STEAP1B: variants seen among roughly 807,000 people sequenced by gnomAD.
The protein encoded by STEAP1B is STEAP family protein MGC87042.
A neutral mutation model predicts 27.9 loss-of-function variants in STEAP1B; 13 were observed. That is an observed-to-expected ratio of 0.47 (90% confidence interval 0.30 to 0.74). The LOEUF is 0.74. STEAP1B is among the 30% of genes least tolerant of loss of function. STEAP1B has a pLI of 0.06. For missense variants in STEAP1B, 250 were observed against 298.7 expected (o/e 0.84, Z 1.20); for synonymous variants, 86 against 107.1 (o/e 0.80, Z 1.22).
intron 4 of STEAP1B, among the ~76,000 whole-genome samples, chr7:22,453,780 T>C (rs73268511): frequency 1.2e-3 from 179 of 152,370 alleles, no homozygotes; most frequent in African/African-American, 4.0e-3. Context: ...TCTTCTCAAA[T>C]TGTATCTCTT....
chr7:22,437,215 A>G (rs10237119), intron 4 of STEAP1B, among the ~76,000 whole-genome samples: 41,428 of 152,120 alleles, frequency 0.27, 6,101 homozygotes, highest in Non-Finnish European at 0.31. Flanking sequence ...GAACCTATTC[A>G]TCTCGCATAA....
chr7:22,489,555 G>A (rs1165480261), intron 4 of STEAP1B, among the ~76,000 whole-genome samples: 1 of 152,202 alleles, frequency 6.6e-6, no homozygotes, highest in Non-Finnish European at 1.5e-5. Context: ...CACAGGACTG[G>A]TTTCCTTATA....
intron 3 of STEAP1B, 23 bp downstream of exon 3, chr7:22,493,301 C>A (rs756403220): frequency 1.3e-6 from 2 of 1,585,302 alleles, no homozygotes; most frequent in Non-Finnish European, 8.6e-7. Flanking sequence ...TTATTAGTAA[C>A]AGTGACATCA....
intron 1 of STEAP1B, 133 bp from the exon 2 acceptor site, chr7:22,495,019 C>T (rs879679070): frequency 6.3e-5 from 30 of 478,066 alleles, no homozygotes; most frequent in Non-Finnish European, 1.0e-4. Context: ...GAAATAGTGA[C>T]TGATTTATAC....
chr7:22,480,739 T>C (rs906068787), intron 4 of STEAP1B, among the ~76,000 whole-genome samples: 1 of 152,152 alleles, frequency 6.6e-6, no homozygotes, highest in African/African-American at 2.4e-5. Flanking sequence ...GCTGCTATGT[T>C]TGGGCTTCAG....
At chr7:22,473,889 G>A (rs891042584) in intron 4 of STEAP1B, among the ~76,000 whole-genome samples, 2 of 152,150 alleles carry the variant, frequency 1.3e-5, no homozygotes, top group East Asian at 1.9e-4. Flanking sequence ...GTCCCGTTCC[G>A]CTGCCAAAAA....
chr7:22,492,169 A>C (rs544642731), intron 4 of STEAP1B, among the ~76,000 whole-genome samples: 1 of 151,706 alleles, frequency 6.6e-6, no homozygotes, highest in East Asian at 1.9e-4. Context: ...AAATACAAAA[A>C]TTAGCTGGAC....
In STEAP1B at chr7:22,488,881, C is replaced by A. The variant is rs189992961; in HGVS notation, c.762+3684G>T. 7.9e-5 allele frequency among the ~76,000 whole-genome samples: 12 copies of A among 152,268 alleles called. No homozygotes were observed. In the East Asian group the frequency reaches 2.1e-3, roughly 27 times the overall value. On this transcript the variant is annotated intron_variant, in intron 4 of 4. Transcript: ENST00000678116. Reference sequence around the variant, plus strand: ...GGCTGAGAAGGCTCTTAGAAATAAGCCAGGAAGGTCTTACATCTTGCCACG... The same window carrying A: ...GGCTGAGAAGGCTCTTAGAAATAAGACAGGAAGGTCTTACATCTTGCCACG...
chr7:22,450,612 T>C (rs1468912010), intron 4 of STEAP1B, among the ~76,000 whole-genome samples: 1 of 149,520 alleles, frequency 6.7e-6, no homozygotes, highest in Non-Finnish European at 1.5e-5. Context: ...TTTTTTTTTT[T>C]GCTTAGGATG....
chr7:22,423,125 T>C (rs780008830), intron 4 of STEAP1B, among the ~76,000 whole-genome samples: 1 of 152,118 alleles, frequency 6.6e-6, no homozygotes, highest in Non-Finnish European at 1.5e-5. Flanking sequence ...ACAATGACAA[T>C]GACAAGTGCT....
At chr7:22,455,796 C>A (rs536155244) in intron 4 of STEAP1B, among the ~76,000 whole-genome samples, 1 of 152,174 alleles carries the variant, frequency 6.6e-6, no homozygotes, top group Admixed American at 6.5e-5. Context: ...ATAAAATAAT[C>A]TTTTGGAATT....
At chr7:22,441,386 T>C (rs1345702539) in intron 4 of STEAP1B, among the ~76,000 whole-genome samples, 3 of 152,228 alleles carry the variant, frequency 2.0e-5, no homozygotes, top group Non-Finnish European at 4.4e-5. Context: ...CCAGGCACTG[T>C]TGAACTATTT....
chr7:22,465,042 C>G (rs1283918379), intron 4 of STEAP1B, among the ~76,000 whole-genome samples: 1 of 145,842 alleles, frequency 6.9e-6, no homozygotes, highest in East Asian at 2.0e-4. Context: ...CATCACTACT[C>G]TTGCACCTTG....
At chr7:22,447,752 C>G (rs1468056727) in intron 4 of STEAP1B, among the ~76,000 whole-genome samples, 1 of 152,198 alleles carries the variant, frequency 6.6e-6, no homozygotes, top group African/African-American at 2.4e-5. Flanking sequence ...GTACACTGAC[C>G]AGCATCCCTT....
intron 3 of STEAP1B, among the ~76,000 whole-genome samples, 179 bp from the exon 4 acceptor site, chr7:22,492,908 C>T (rs1264486497): frequency 6.6e-6 from 1 of 151,968 alleles, no homozygotes; most frequent in Non-Finnish European, 1.5e-5. Context: ...GGAGCTATCA[C>T]TTTTTTTCTT....
At chr7:22,494,979 T>C (rs1439750564) in intron 1 of STEAP1B, 93 bp from the exon 2 acceptor site, 1 of 596,554 alleles carries the variant, frequency 1.7e-6, no homozygotes, top group East Asian at 3.1e-5. Context: ...GCTTAAAGAC[T>C]AGAATGGCAG....
chr7:22,480,389 G>A (rs1024533437), intron 4 of STEAP1B, among the ~76,000 whole-genome samples: 4 of 152,152 alleles, frequency 2.6e-5, no homozygotes, highest in Non-Finnish European at 4.4e-5. Flanking sequence ...GAGCGGCAGC[G>A]CCTTGTATCA....
At chr7:22,424,201 T>C (rs1052728270) in intron 4 of STEAP1B, among the ~76,000 whole-genome samples, 1 of 152,160 alleles carries the variant, frequency 6.6e-6, no homozygotes, top group Non-Finnish European at 1.5e-5. Context: ...TTTTACACAT[T>C]GTAACACAAA....
chr7:22,434,332 A>G (rs1785227381), intron 4 of STEAP1B, among the ~76,000 whole-genome samples: 1 of 152,184 alleles, frequency 6.6e-6, no homozygotes, highest in South Asian at 2.1e-4. Flanking sequence ...CTCCACAAGA[A>G]AGGCAAATGA....
Sources: gnomAD v4.1 joint callset for allele counts (sites outside exome capture counted in the v4.1 genomes callset) on GRCh38, gnomAD v4.1.1 for gene constraint, MANE v1.5 for transcripts, NCBI Gene and HGNC (gene_info 2026-07-23, HGNC 2026-07-21) for gene names.